SORBS2: variants seen among roughly 807,000 people sequenced by gnomAD.
SORBS2 encodes sorbin and SH3 domain-containing protein 2.
Under a neutral mutation model 97.7 loss-of-function variants are expected in SORBS2, and 46 were observed. The observed-to-expected ratio is 0.47, with a 90% CI of 0.37 to 0.60. The LOEUF (loss-of-function observed/expected upper bound fraction) is 0.60, where lower values mean the gene tolerates loss of function less well. SORBS2 is among the 20% of genes least tolerant of loss of function. SORBS2 has a pLI of 0.00. For synonymous variants in SORBS2, 476 were observed against 473.4 expected (o/e 1.01, Z -0.07); for missense variants, 1,316 against 1,282.3 (o/e 1.03, Z -0.40).
At chr4:185,925,845 G>A (rs4862596) in intron 1 of SORBS2, among the ~76,000 whole-genome samples, 46,905 of 152,094 alleles carry the variant, frequency 0.31, 8,110 homozygotes, top group East Asian at 0.53. Context: ...CAGGGTGACA[G>A]GGCGCTATAA....
intron 2 of SORBS2, among the ~76,000 whole-genome samples, chr4:185,768,712 CA>C (rs72088117): frequency 0.05 from 5,867 of 116,820 alleles, 209 homozygotes; most frequent in Middle Eastern, 0.13. Context: ...AAAAAAAAAA[CA>C]AAAAAACAAA....
intron 2 of SORBS2, among the ~76,000 whole-genome samples, chr4:185,747,081 C>T (rs984118031): frequency 2.0e-4 from 30 of 151,792 alleles, no homozygotes; most frequent in African/African-American, 5.8e-4. Flanking sequence ...AGACTTGTCT[C>T]GAAACAAAAA....
At chr4:185,661,559 A>G (rs1186293689), upstream of SORBS2, among the ~76,000 whole-genome samples, 3 of 152,138 alleles carry the variant, frequency 2.0e-5, no homozygotes, top group African/African-American at 7.2e-5. Context: ...GGAACACTTA[A>G]GTTTCTCTTG....
intron 1 of SORBS2, among the ~76,000 whole-genome samples, chr4:185,903,328 A>G (rs1435110100): frequency 6.6e-6 from 1 of 152,208 alleles, no homozygotes; most frequent in Non-Finnish European, 1.5e-5. Context: ...CATGTGACAT[A>G]GTGCCTGACA....
At chr4:185,736,579 A>C (rs903360706) in intron 2 of SORBS2, among the ~76,000 whole-genome samples, 6 of 152,204 alleles carry the variant, frequency 3.9e-5, no homozygotes, top group African/African-American at 1.4e-4. Context: ...TACCTTTCCT[A>C]AATGAAACCA....
chr4:185,954,819 G>A (rs572128281), intron 1 of SORBS2, among the ~76,000 whole-genome samples: 75 of 152,250 alleles, frequency 4.9e-4, no homozygotes, highest in Admixed American at 6.5e-4. Flanking sequence ...TTAGCAGGAT[G>A]TGGAGGCAGG....
At chr4:185,859,125 A>C (rs2099222277) in intron 1 of SORBS2, among the ~76,000 whole-genome samples, 1 of 152,218 alleles carries the variant, frequency 6.6e-6, no homozygotes, top group Non-Finnish European at 1.5e-5. Context: ...TTGGAGGTTA[A>C]GGAGTCTATT....
At chr4:185,605,635 A>T (rs1054112435) in intron 12 of SORBS2, among the ~76,000 whole-genome samples, 7 of 151,246 alleles carry the variant, frequency 4.6e-5, no homozygotes, top group Non-Finnish European at 8.8e-5. Flanking sequence ...CCCAGGCTGG[A>T]GTGCACTGGC....
intron 2 of SORBS2, among the ~76,000 whole-genome samples, chr4:185,717,410 G>A (rs1195559868): frequency 6.6e-6 from 1 of 152,204 alleles, no homozygotes; most frequent in Non-Finnish European, 1.5e-5. Context: ...CAGAAACATG[G>A]CAACTATTAT....
intron 1 of SORBS2, among the ~76,000 whole-genome samples, chr4:185,934,735 G>A (rs2099268128): frequency 6.6e-6 from 1 of 151,104 alleles, no homozygotes; most frequent in Non-Finnish European, 1.5e-5. Flanking sequence ...AGTGAGCTGA[G>A]GTTGCACCAC....
chr4:185,605,137 C>T (rs778493438), intron 12 of SORBS2, among the ~76,000 whole-genome samples: 10 of 152,100 alleles, frequency 6.6e-5, no homozygotes, highest in Non-Finnish European at 1.5e-4. Flanking sequence ...CAGGCCTGGC[C>T]GGGTTATTTT....
At chr4:185,743,258 A>T (rs1349112913) in intron 2 of SORBS2, among the ~76,000 whole-genome samples, 2 of 152,166 alleles carry the variant, frequency 1.3e-5, no homozygotes, top group Admixed American at 1.3e-4. Context: ...TGCTGTTAAT[A>T]AGTCTTTTGA....
chr4:185,633,121 G>A (rs556583894), intron 4 of SORBS2, among the ~76,000 whole-genome samples: 9 of 152,290 alleles, frequency 5.9e-5, no homozygotes, highest in African/African-American at 1.9e-4. Flanking sequence ...AAGTAGCTAT[G>A]AGATTAAATT....
rs9995803 is a variant in SORBS2, at chr4:185,912,909, G to A, written c.-338+43287C>T. On this transcript the variant is annotated intron_variant, in intron 1 of 20. Coordinates refer to the SORBS2 transcript ENST00000284776. ...TTCGAATGTTACATAATAAACAGCC[G>A]GATACTGCTGACATTAACACCCATT... Among the ~76,000 whole-genome samples, 688 of 152,218 alleles carry A rather than the reference G, an allele frequency of 4.5e-3. 5 individuals carry two copies. Among genetic ancestry groups the A allele is most frequent in the African/African-American group, 0.016 (658 of 41,522 alleles).
rs530227649 is a variant in SORBS2 at position 185,764,381 on chromosome 4, TA to T, written c.-198+10845del. On this transcript the variant is annotated intron_variant, in intron 2 of 20. Coordinates refer to the SORBS2 transcript ENST00000284776. ...CATAATGACAAACTATTTGATAACT[TA>T]AAGAGTAAATATCAGATTTATAACA... Among the ~76,000 whole-genome samples, 239 of 152,314 alleles carry T rather than the reference TA, an allele frequency of 1.6e-3. 2 individuals carry two copies. Among genetic ancestry groups the T allele is most frequent in the African/African-American group, 5.5e-3 (230 of 41,584 alleles).
intron 1 of SORBS2, among the ~76,000 whole-genome samples, chr4:185,824,184 T>C (rs1456504714): frequency 6.6e-6 from 1 of 152,170 alleles, no homozygotes; most frequent in African/African-American, 2.4e-5. Flanking sequence ...CCCCATCCTC[T>C]CTCTGAAGGC....
intron 1 of SORBS2, among the ~76,000 whole-genome samples, chr4:185,788,205 C>CGT (rs1277516931): frequency 6.6e-6 from 1 of 152,084 alleles, no homozygotes; most frequent in Non-Finnish European, 1.5e-5. Flanking sequence ...TGTTCGCAAT[C>CGT]GTAGACTCAT....
intron 1 of SORBS2, among the ~76,000 whole-genome samples, chr4:185,886,554 C>CAAAAAAAAAAAAAAAAAAAAAAAAA (rs1198439527): frequency 1.4e-5 from 1 of 72,950 alleles, no homozygotes; most frequent in African/African-American, 6.1e-5. Context: ...GACTCTGTCT[C>CAAAAAAAAAAAAAAAAAAAAAAAAA]AAAAAAAAAA....
At chr4:185,881,690 AAT>A (rs2099236963) in intron 1 of SORBS2, among the ~76,000 whole-genome samples, 1 of 152,142 alleles carries the variant, frequency 6.6e-6, no homozygotes, top group Non-Finnish European at 1.5e-5. Flanking sequence ...GTGGTGAGAG[AAT>A]GGGTGTGAGG....
Sources: gnomAD v4.1 joint callset for allele counts (sites outside exome capture counted in the v4.1 genomes callset) on GRCh38, gnomAD v4.1.1 for gene constraint, MANE v1.5 for transcripts, NCBI Gene and HGNC (gene_info 2026-07-23, HGNC 2026-07-21) for gene names.